TSHZ2: variants seen among roughly 807,000 people sequenced by gnomAD.
The protein encoded by TSHZ2 is teashirt zinc finger homeobox 2.
In TSHZ2, 21 loss-of-function variants were observed where a neutral mutation model predicts 74.4. The ratio of observed to expected loss-of-function variants is 0.28; its 90% confidence interval spans 0.20 to 0.41. The LOEUF (loss-of-function observed/expected upper bound fraction) is 0.41, where lower values mean the gene tolerates loss of function less well. TSHZ2 is among the 10% of genes least tolerant of loss of function. The pLI is 1.00. For missense variants in TSHZ2, 1,244 were observed against 1,293.5 expected (o/e 0.96, Z 0.59); for synonymous variants, 540 against 515.3 (o/e 1.05, Z -0.65).
rs1374039282 is a variant in TSHZ2 at position 53,490,737 on chromosome 20, T to A, written c.*3602T>A. The A allele has an allele frequency of 6.6e-6, 1 of 152,240 alleles. No homozygotes were observed. Among genetic ancestry groups the A allele is most frequent in the East Asian group, 1.9e-4 (1 of 5,200 alleles). 9.4% of individuals were successfully genotyped at this position (152,240 alleles called of 1,614,324 possible). A position where few individuals can be genotyped will look rare whatever the true frequency, so the allele number is the denominator to read the frequency against. On this transcript the variant is annotated 3_prime_UTR_variant, in exon 3 of 3. Transcript: ENST00000371497. ...AGATGCAGAAAACAAACAAATGCAATGACATATCTGAGAAGCATTTATGTA... is the reference window on the plus strand; with the variant it reads ...AGATGCAGAAAACAAACAAATGCAAAGACATATCTGAGAAGCATTTATGTA...
At chr20:53,148,657 G>T (rs1987601974) in intron 1 of TSHZ2, among the ~76,000 whole-genome samples, 1 of 152,070 alleles carries the variant, frequency 6.6e-6, no homozygotes, top group African/African-American at 2.4e-5. Context: ...TGGGGTGGGG[G>T]TTGATACAAA....
intron 2 of TSHZ2, among the ~76,000 whole-genome samples, chr20:53,409,834 C>CTTTTTTTT (rs71194475): frequency 2.4e-4 from 12 of 49,358 alleles, no homozygotes; most frequent in Non-Finnish European, 3.1e-4. Context: ...GTTTTCTTTT[C>CTTTTTTTT]TTTTTTTTTT....
At chr20:53,106,359 A>T (rs941843944) in intron 1 of TSHZ2, among the ~76,000 whole-genome samples, 11 of 144,112 alleles carry the variant, frequency 7.6e-5, no homozygotes, top group African/African-American at 2.9e-4. Flanking sequence ...CACTTACCAT[A>T]AATTATTTCC....
intron 2 of TSHZ2, among the ~76,000 whole-genome samples, chr20:53,354,874 G>A (rs1980788462): frequency 6.6e-6 from 1 of 152,132 alleles, no homozygotes; most frequent in South Asian, 2.1e-4. Flanking sequence ...TTTTCCTCAA[G>A]TCTTACAACT....
At position 53,074,314 on chromosome 20, in the gene TSHZ2, A is replaced by G. The variant is rs1985300225; in HGVS notation, c.40+100981A>G. Among the ~76,000 whole-genome samples, 1 of 152,218 alleles carries G rather than the reference A, an allele frequency of 6.6e-6. No homozygotes were observed. Among genetic ancestry groups the G allele is most frequent in the Admixed American group, 6.5e-5 (1 of 15,292 alleles). On this transcript the variant is annotated intron_variant, in intron 1 of 2. Coordinates refer to ENST00000371497, the MANE Select transcript of TSHZ2 (RefSeq NM_173485.6). The surrounding 1 kb of genome is among the most constrained non-coding windows in gnomAD (Gnocchi z 5.9). ...TACCACATTGCTGAAATTATGTCCT[A>G]AGTATCAGTCCTTTCTACTGGATTT...
chr20:52,991,594 A>T (rs1981995278), intron 1 of TSHZ2, among the ~76,000 whole-genome samples: 1 of 132,546 alleles, frequency 7.5e-6, no homozygotes, highest in African/African-American at 3.0e-5. Flanking sequence ...AGCTTTTCTG[A>T]TGCATGATTT....
chr20:53,345,675 G>T (rs753067083), intron 2 of TSHZ2, among the ~76,000 whole-genome samples: 1 of 104,428 alleles, frequency 9.6e-6, no homozygotes, highest in African/African-American at 3.9e-5. Flanking sequence ...CCGCCTGCCC[G>T]CCCCCCCATT....
Position 53,489,027 on chromosome 20 carries a change from T to C in TSHZ2, c.*1892T>C, listed in dbSNP as rs1242599134. The C allele has an allele frequency of 2.2e-6, 1 of 455,982 alleles. No homozygotes were observed. Among genetic ancestry groups the C allele is most frequent in the Admixed American group, 2.4e-5 (1 of 42,530 alleles). 28.2% of individuals were successfully genotyped at this position (455,982 alleles called of 1,614,324 possible). The stretch of plus-strand genomic sequence containing the variant: ...GAAGTAATGAGGCATGGACAGAAAA[T>C]ATACCCCTCACATCATCGGATTGAG... On this transcript the variant is annotated 3_prime_UTR_variant, in exon 3 of 3. Coordinates refer to ENST00000371497, the MANE Select transcript of TSHZ2 (RefSeq NM_173485.6).
At chr20:53,434,174 T>G (rs1388494633) in intron 2 of TSHZ2, among the ~76,000 whole-genome samples, 1 of 152,186 alleles carries the variant, frequency 6.6e-6, no homozygotes, top group South Asian at 2.1e-4. Context: ...CCAGCTGGAA[T>G]GTATTAATAA....
At chr20:53,362,396 G>C (rs1981100946) in intron 2 of TSHZ2, among the ~76,000 whole-genome samples, 1 of 151,330 alleles carries the variant, frequency 6.6e-6, no homozygotes, top group Admixed American at 6.6e-5. Context: ...GTGTTAGCCA[G>C]GATGGTCTCA....
In TSHZ2 at chr20:53,322,537, A is replaced by T. The variant is rs140836167; in HGVS notation, c.*8+65966A>T. ...CAAAAAAAAAAAAGAAAAAAAAAAC[A>T]TGACTTTAGTCCCGCTCTTCTGTTC... On this transcript the variant is annotated intron_variant, in intron 2 of 2. Coordinates refer to ENST00000371497, the MANE Select transcript of TSHZ2 (RefSeq NM_173485.6). Among the ~76,000 whole-genome samples the T allele has an allele frequency of 4.2e-3, 644 of 151,908 alleles. 5 individuals are homozygous for T. The highest frequency in any genetic ancestry group is 0.015 in the African/African-American group (611 of 41,430).
At chr20:53,434,318 A>G (rs1983961234) in intron 2 of TSHZ2, among the ~76,000 whole-genome samples, 1 of 152,206 alleles carries the variant, frequency 6.6e-6, no homozygotes, top group South Asian at 2.1e-4. Flanking sequence ...TATTATCATC[A>G]TTCAAATTTA....
At chr20:53,405,812 A>G (rs532290545) in intron 2 of TSHZ2, among the ~76,000 whole-genome samples, 18 of 152,208 alleles carry the variant, frequency 1.2e-4, no homozygotes, top group East Asian at 1.2e-3. Flanking sequence ...CCTGGGCAAC[A>G]TGGCGAGACC....
intron 1 of TSHZ2, among the ~76,000 whole-genome samples, chr20:53,208,090 C>T (rs776199818): frequency 2.6e-5 from 4 of 152,100 alleles, no homozygotes; most frequent in Non-Finnish European, 5.9e-5. Flanking sequence ...ATATCTTTGA[C>T]CTTGTTGGCA....
rs1472300923 is a variant in TSHZ2 at position 53,213,398 on chromosome 20, G to A, written c.41-40101G>A. ...TTCTGCTGCTGCACCTGGATGCTTC[G>A]TTACAACTAGAGCTAATAGGAACCA... On this transcript the variant is annotated intron_variant, in intron 1 of 2. Transcript: ENST00000371497. Among the ~76,000 whole-genome samples the A allele has an allele frequency of 1.5e-4, 23 of 152,140 alleles. 1 individual carries two copies. The highest frequency in any genetic ancestry group is 9.8e-4 in the Admixed American group (15 of 15,280).
intron 2 of TSHZ2, among the ~76,000 whole-genome samples, chr20:53,354,387 C>G (rs1258939813): frequency 1.3e-5 from 2 of 152,142 alleles, no homozygotes; most frequent in Admixed American, 6.5e-5. Context: ...GAAATTCTGA[C>G]TGGAATAGAT....
intron 1 of TSHZ2, among the ~76,000 whole-genome samples, chr20:53,041,102 C>A (rs372941738): frequency 3.3e-5 from 5 of 152,224 alleles, no homozygotes; most frequent in Admixed American, 6.5e-5. Context: ...GTGGACTGAA[C>A]CTTTTGCATA....
intron 2 of TSHZ2, among the ~76,000 whole-genome samples, chr20:53,289,553 C>T (rs1362165658): frequency 6.6e-6 from 1 of 152,014 alleles, no homozygotes; most frequent in African/African-American, 2.4e-5. Flanking sequence ...TGTTGCATTC[C>T]CTTAATAATT....
Position 53,195,199 on chromosome 20 carries a change from A to C in TSHZ2, c.41-58300A>C, listed in dbSNP as rs562925561. Among the ~76,000 whole-genome samples the C allele has an allele frequency of 8.5e-5, 13 of 152,322 alleles. No homozygotes were observed. The South Asian group carries it at 2.3e-3, about 27-fold the overall frequency. On this transcript the variant is annotated intron_variant, in intron 1 of 2. Coordinates refer to ENST00000371497, the MANE Select transcript of TSHZ2 (RefSeq NM_173485.6). The stretch of plus-strand genomic sequence containing the variant: ...AGCAAAATCCAGGCAACTGGCATTG[A>C]ATGAATGGGCGTGCTCACCTACCAG...
Sources: allele counts gnomAD v4.1 joint callset (sites outside exome capture counted in the v4.1 genomes callset), GRCh38; gene constraint gnomAD v4.1.1; non-coding constraint Gnocchi (gnomAD v3.1); transcripts MANE v1.5; gene names NCBI Gene and HGNC (gene_info 2026-07-23, HGNC 2026-07-21).